The following LPCAT3 variants were observed in gnomAD, a reference collection of about 807,000 sequenced individuals.
The protein encoded by LPCAT3 is lysophospholipid acyltransferase 5.
A neutral mutation model predicts 63.4 loss-of-function variants in LPCAT3; 21 were observed. The observed-to-expected ratio is 0.33, with a 90% confidence interval of 0.23 to 0.48. The LOEUF (loss-of-function observed/expected upper bound fraction) is 0.48, where lower values mean the gene tolerates loss of function less well. LPCAT3 is among the 20% of genes least tolerant of loss of function. The pLI is 0.99. For synonymous variants in LPCAT3, 242 were observed against 227.5 expected, an observed-to-expected ratio of 1.06 and a Z score of -0.58; for missense variants, 451 against 590.6, an observed-to-expected ratio of 0.76 and a Z score of 2.45.
chr12:6,997,930 G>A (rs1431586735), intron 1 of LPCAT3, among the ~76,000 whole-genome samples: 2 of 152,108 alleles, frequency 1.3e-5, no homozygotes, highest in Non-Finnish European at 2.9e-5. Context: ...GTTTCACCAT[G>A]TTGGCCAGGC....
chr12:6,986,795 CAAAAAAAAAAAA>C (rs1157395768), intron 1 of LPCAT3, among the ~76,000 whole-genome samples: 5 of 33,924 alleles, frequency 1.5e-4, no homozygotes, highest in Non-Finnish European at 2.5e-4. Context: ...GACTCTGTCT[CAAAAAAAAAAAA>C]AAAAAAAAAA....
chr12:7,015,620 C>T (rs1023936624), intron 1 of LPCAT3, among the ~76,000 whole-genome samples: 1 of 152,156 alleles, frequency 6.6e-6, no homozygotes, highest in African/African-American at 2.4e-5. Context: ...ATGAGCTATA[C>T]CTGATAGGAG....
At chr12:6,993,586 T>G (rs1295564470) in intron 1 of LPCAT3, among the ~76,000 whole-genome samples, 2 of 152,240 alleles carry the variant, frequency 1.3e-5, no homozygotes, top group African/African-American at 4.8e-5. Context: ...ATCTACTTTA[T>G]GTCTCTATAG....
chr12:6,978,913 C>G (rs1049370319), intron 7 of LPCAT3: 1 of 587,800 alleles, frequency 1.7e-6, no homozygotes, highest in Non-Finnish European at 2.9e-6. Context: ...GCCTCAAGGG[C>G]AGCACTGTAT....
intron 1 of LPCAT3, among the ~76,000 whole-genome samples, chr12:7,002,576 C>T (rs782608539): frequency 6.6e-6 from 1 of 152,302 alleles, no homozygotes; most frequent in African/African-American, 2.4e-5. Flanking sequence ...AAACAATAAA[C>T]TCTTTTTTAC....
chr12:6,983,891 C>T (rs887324609), intron 1 of LPCAT3, among the ~76,000 whole-genome samples: 2 of 151,984 alleles, frequency 1.3e-5, no homozygotes, highest in Admixed American at 1.3e-4. Context: ...ATGTATAATC[C>T]CAGCACTCTG....
chr12:7,001,576 T>A (rs782189113), intron 1 of LPCAT3: 9 of 451,422 alleles, frequency 2.0e-5, no homozygotes, highest in Non-Finnish European at 4.0e-5. Context: ...GGATCCTGGC[T>A]GTGAGGCTGA....
At chr12:6,978,748 G>GCA (rs148741189) in intron 7 of LPCAT3, 59 bp from the exon 8 acceptor site, 31,622 of 1,596,666 alleles carry the variant, frequency 0.02, 461 homozygotes, top group Middle Eastern at 0.075. Flanking sequence ...GTTTCTCTCA[G>GCA]CACTCTTCCT....
chr12:6,992,110 A>G (rs1555155549), intron 1 of LPCAT3, among the ~76,000 whole-genome samples: 1 of 152,056 alleles, frequency 6.6e-6, no homozygotes. Context: ...CATTTGATAC[A>G]ATTAACAATA....
At chr12:6,979,097 C>G in intron 7 of LPCAT3, 3 of 300,504 alleles carry the variant, frequency 1.0e-5, no homozygotes, top group Non-Finnish European at 1.9e-5. Flanking sequence ...CACTTCCCCC[C>G]TTCCCTTGGT....
intron 1 of LPCAT3, among the ~76,000 whole-genome samples, chr12:6,996,078 T>C (rs1946633610): frequency 6.6e-6 from 1 of 152,166 alleles, no homozygotes; most frequent in East Asian, 1.9e-4. Context: ...ATCAAAAGGC[T>C]GATTGCCAGC....
rs782405038 is a variant in LPCAT3, at chr12:6,983,557, T to A, written c.152-18A>T. On this transcript the variant is annotated intron_variant, in intron 1 of 12. Transcript: ENST00000261407. ...GGGGTAACCTAGATGGGGGAAAAGATAAGAAGAGTGTTATTTGTGCCTGGT... is the reference window on the plus strand; with the variant it reads ...GGGGTAACCTAGATGGGGGAAAAGAAAAGAAGAGTGTTATTTGTGCCTGGT... 6.7e-7 allele frequency: 1 copy of A among 1,502,218 alleles called. No homozygotes were observed. The highest frequency in any genetic ancestry group is 9.3e-7 in the Non-Finnish European group (1 of 1,079,962). The allele number at this position is 1,502,218 out of a possible 1,614,324, so 93.1% of individuals were successfully genotyped here.
At chr12:6,994,733 G>A (rs2138346918) in intron 1 of LPCAT3, among the ~76,000 whole-genome samples, 1 of 152,328 alleles carries the variant, frequency 6.6e-6, no homozygotes, top group South Asian at 2.1e-4. Flanking sequence ...GGGATTACAG[G>A]CATCAGCCAC....
chr12:6,978,145 G>A, intron 9 of LPCAT3, 196 bp downstream of exon 9: 1 of 656,578 alleles, frequency 1.5e-6, no homozygotes, highest in South Asian at 2.0e-5. Flanking sequence ...TTTATATCTT[G>A]CCTTTTTTTC....
At chr12:7,016,392 T>C (rs1411638226) in intron 1 of LPCAT3, among the ~76,000 whole-genome samples, 1 of 151,904 alleles carries the variant, frequency 6.6e-6, no homozygotes, top group Non-Finnish European at 1.5e-5. Context: ...TTCTCCTGCC[T>C]CAGCCTCCCA....
At chr12:7,006,715 C>CT (rs1318132533) in intron 1 of LPCAT3, among the ~76,000 whole-genome samples, 2 of 152,198 alleles carry the variant, frequency 1.3e-5, no homozygotes, top group African/African-American at 4.8e-5. Context: ...TATACTCCAA[C>CT]TTTAATCAAT....
chr12:7,010,784 ATGT>A (rs1189707348), intron 1 of LPCAT3, among the ~76,000 whole-genome samples: 1 of 152,200 alleles, frequency 6.6e-6, no homozygotes, highest in Non-Finnish European at 1.5e-5. Flanking sequence ...TCAAAACATG[ATGT>A]TTTATGGAAT....
intron 1 of LPCAT3, among the ~76,000 whole-genome samples, chr12:7,012,145 C>T (rs1209939358): frequency 6.6e-6 from 1 of 152,198 alleles, no homozygotes; most frequent in Non-Finnish European, 1.5e-5. Context: ...GCCAAGCCAC[C>T]ATCATGGCCA....
chr12:7,018,156 C>G lies in LPCAT3; in HGVS notation c.151+118G>C. 1.6e-6 allele frequency: 2 copies of G among 1,234,994 alleles called. No homozygotes were observed. Among genetic ancestry groups the G allele is most frequent in the South Asian group, 2.7e-5 (2 of 73,820 alleles). The allele number at this position is 1,234,994 out of a possible 1,614,324, so 76.5% of individuals were successfully genotyped here. On this transcript the variant is annotated intron_variant, in intron 1 of 12. Transcript: ENST00000261407. The surrounding 1 kb of genome is among the most constrained non-coding windows in gnomAD (Gnocchi z 4.9). ...CTGTTGGTGTGCTTCAGGATTCACACCCGCACCCGGCACAGCCCTCCCGGG... is the reference window on the plus strand; with the variant it reads ...CTGTTGGTGTGCTTCAGGATTCACAGCCGCACCCGGCACAGCCCTCCCGGG...
Sources: gnomAD v4.1 joint callset for allele counts (sites outside exome capture counted in the v4.1 genomes callset) on GRCh38, gnomAD v4.1.1 for gene constraint, Gnocchi (gnomAD v3.1) non-coding constraint, MANE v1.5 for transcripts, NCBI Gene and HGNC (gene_info 2026-07-23, HGNC 2026-07-21) for gene names.